The following BCOR variants were observed in gnomAD, a reference collection of about 807,000 sequenced individuals.
BCOR encodes BCL-6 corepressor.
Under a neutral mutation model 86.7 loss-of-function variants are expected in BCOR, and 10 were observed. The ratio of observed to expected loss-of-function variants is 0.12; its 90% CI spans 0.07 to 0.20. BCOR has a LOEUF of 0.20. Ranked by LOEUF, BCOR falls within the 10% of genes least tolerant of loss-of-function variation. BCOR has a pLI of 1.00. For missense variants in BCOR, 1,259 were observed against 1,452.1 expected, an observed-to-expected ratio of 0.87 and a Z score of 2.16; for synonymous variants, 611 against 609.0, an observed-to-expected ratio of 1.00 and a Z score of -0.05.
chrX:40,083,047 G>A (rs1266470199), intron 1 of BCOR, among the ~76,000 whole-genome samples: 1 of 108,084 alleles, frequency 9.3e-6, no homozygotes, highest in Non-Finnish European at 1.9e-5. Flanking sequence ...CGTCACAGCA[G>A]CAGCGCTGTG....
intron 4 of BCOR, chrX:40,071,957 T>C (rs2097968657): frequency 2.6e-6 from 1 of 389,749 alleles, no homozygotes; most frequent in African/African-American, 2.6e-5. Flanking sequence ...CCCACAGACA[T>C]GCGGCTGCTA....
intron 1 of BCOR, among the ~76,000 whole-genome samples, chrX:40,108,823 C>T (rs2147821917): frequency 8.8e-6 from 1 of 113,512 alleles, no homozygotes; most frequent in East Asian, 2.8e-4. Flanking sequence ...GCACCCTCTT[C>T]CCTCAGCCCA....
In BCOR at chrX:40,052,384, G is replaced by A. The variant is rs767059109; in HGVS notation, c.4993C>T (p.Leu1665=). 1.7e-6 allele frequency: 2 copies of A among 1,210,293 alleles called. No homozygotes were observed. Among genetic ancestry groups the A allele is most frequent in the South Asian group, 3.5e-5 (2 of 56,936 alleles). The change falls in exon 15 of 15, where the codon CTG becomes TTG. Residue 1665 remains leucine (L), a synonymous_variant. Coordinates refer to ENST00000378444, the MANE Select transcript of BCOR (RefSeq NM_001123385.2). ...AATTTCTTAAGGACATCCGAAAGCAGTAGCCAGTTTCGTGGCCTACAAAAC... is the reference window on the plus strand; with the variant it reads ...AATTTCTTAAGGACATCCGAAAGCAATAGCCAGTTTCGTGGCCTACAAAAC... ...SVAQGPRNWL[L]LSDVLKKLKM...
intron 1 of BCOR, among the ~76,000 whole-genome samples, chrX:40,139,482 TATA>T (rs1937850026): frequency 6.6e-5 from 1 of 15,196 alleles, no homozygotes; most frequent in Non-Finnish European, 9.3e-5. Context: ...TATATATATA[TATA>T]TATATATATA....
At chrX:40,145,969 G>C (rs1006995467) in intron 1 of BCOR, among the ~76,000 whole-genome samples, 68 of 111,849 alleles carry the variant, frequency 6.1e-4, no homozygotes, top group African/African-American at 2.1e-3. Flanking sequence ...CGATGCTATC[G>C]TGGGACGCGG....
intron 1 of BCOR, among the ~76,000 whole-genome samples, chrX:40,133,223 C>T (rs189469898): frequency 7.5e-5 from 8 of 106,040 alleles, no homozygotes; most frequent in African/African-American, 1.7e-4. Flanking sequence ...CTGCAACCTC[C>T]GCCACCTGGG....
chrX:40,146,246 C>T (rs1209493503), intron 1 of BCOR, among the ~76,000 whole-genome samples: 1 of 111,597 alleles, frequency 9.0e-6, no homozygotes, highest in Non-Finnish European at 1.9e-5. Flanking sequence ...CGCGGAGGCG[C>T]GGAGCCGGGG....
At chrX:40,141,836 C>T (rs769178482) in intron 1 of BCOR, among the ~76,000 whole-genome samples, 1 of 111,503 alleles carries the variant, frequency 9.0e-6, no homozygotes, top group Non-Finnish European at 1.9e-5. Context: ...GACAATCTTA[C>T]AGGCGCAGGT....
intron 1 of BCOR, among the ~76,000 whole-genome samples, 174 bp downstream of exon 1, chrX:40,097,041 C>T (rs1167361582): frequency 3.5e-5 from 4 of 112,964 alleles, no homozygotes; most frequent in African/African-American, 1.3e-4. Flanking sequence ...AATAACATAG[C>T]TATGAAATAA....
chrX:40,116,086 T>A (rs1291027968), intron 1 of BCOR, among the ~76,000 whole-genome samples: 1 of 110,513 alleles, frequency 9.0e-6, no homozygotes, highest in Non-Finnish European at 1.9e-5. Context: ...GAAAAGAGAG[T>A]CACTAATGTT....
chrX:40,092,734 C>G (rs913751405), intron 1 of BCOR, among the ~76,000 whole-genome samples: 1 of 112,270 alleles, frequency 8.9e-6, no homozygotes, highest in Non-Finnish European at 1.9e-5. Flanking sequence ...CTCCACCTCA[C>G]CCCTAGAAGG....
rs368366656 is a variant in BCOR, at chrX:40,094,391, G to T, written c.-41+2824C>A. ...ACGGTTCACGGCGGACAGAACCCGGGGAGCGTGACGGTGCCTGCGGGGTGG... is the reference window on the plus strand; with the variant it reads ...ACGGTTCACGGCGGACAGAACCCGGTGAGCGTGACGGTGCCTGCGGGGTGG... On this transcript the variant is annotated intron_variant, in intron 1 of 14. Coordinates refer to ENST00000378444, the MANE Select transcript of BCOR (RefSeq NM_001123385.2). Among the ~76,000 whole-genome samples, 22 of 112,815 alleles carry T rather than the reference G, an allele frequency of 2.0e-4. 1 individual carries two copies. In the East Asian group the frequency reaches 5.1e-3, roughly 26 times the overall value.
intron 6 of BCOR, among the ~76,000 whole-genome samples, chrX:40,065,542 C>G (rs773766261): frequency 8.9e-6 from 1 of 112,474 alleles, no homozygotes; most frequent in East Asian, 2.8e-4. Context: ...ACCCTGTGCT[C>G]GGCCTATCAC....
chrX:40,156,653 G>A (rs1345135004), intron 1 of BCOR, among the ~76,000 whole-genome samples: 1 of 112,135 alleles, frequency 8.9e-6, no homozygotes, highest in Non-Finnish European at 1.9e-5. Context: ...CCTGACAGGA[G>A]TCTTCTGAGC....
chrX:40,176,603 T>G (rs1938760760), intron 1 of BCOR, among the ~76,000 whole-genome samples: 9 of 105,115 alleles, frequency 8.6e-5, no homozygotes, highest in South Asian at 9.2e-4. Flanking sequence ...CCCCCAACGA[T>G]TCCTCGTCCG....
At position 40,152,000 on chromosome X, in the gene BCOR, A is replaced by G. The variant is rs1316758643; in HGVS notation, c.-41+25007T>C. 2.7e-5 allele frequency among the ~76,000 whole-genome samples: 3 copies of G among 111,789 alleles called. No homozygotes were observed. The Admixed American group carries it at 2.8e-4, about 10-fold the overall frequency. On this transcript the variant is annotated intron_variant, in intron 1 of 14. Transcript: ENST00000342274. Reference sequence around the variant, plus strand: ...GAGGGGAAGAGGTGGAGCGGGATCTAAGGCAGCGCTGCGCCGACGAGAAGG... The same window carrying G: ...GAGGGGAAGAGGTGGAGCGGGATCTGAGGCAGCGCTGCGCCGACGAGAAGG...
chrX:40,164,199 A>G (rs1041324370), intron 1 of BCOR, among the ~76,000 whole-genome samples: 6 of 112,490 alleles, frequency 5.3e-5, no homozygotes, highest in African/African-American at 1.9e-4. Flanking sequence ...GACACAGCTG[A>G]GGTCCCAGCC....
chrX:40,172,899 CCCAGTCA>C (rs994523783), intron 1 of BCOR, among the ~76,000 whole-genome samples: 1 of 112,829 alleles, frequency 8.9e-6, no homozygotes, highest in African/African-American at 3.2e-5. Flanking sequence ...GTCCCCAGTC[CCCAGTCA>C]CCTCCGGCGG....
rs745343449 is a variant in BCOR, at chrX:40,144,732, C to A, written c.-41+32275G>T. Among the ~76,000 whole-genome samples the A allele has an allele frequency of 9.0e-5, 10 of 110,944 alleles. No individual in the cohort carries two copies. The East Asian group carries it at 2.0e-3, about 22-fold the overall frequency. On this transcript the variant is annotated intron_variant, in intron 1 of 14. Transcript: ENST00000342274. ...TCCTCTTGCCTTTGTGACCGCCCCC[C>A]CTCCCCGCCAAATCCCAATCCTGGA... is the stretch of plus-strand genomic sequence containing the variant.
Sources: gnomAD v4.1 joint callset for allele counts (sites outside exome capture counted in the v4.1 genomes callset) on GRCh38, gnomAD v4.1.1 for gene constraint, MANE v1.5 for transcripts, NCBI Gene and HGNC (gene_info 2026-07-23, HGNC 2026-07-21) for gene names.